RALGAPB: variants seen among roughly 807,000 people sequenced by gnomAD.
RALGAPB encodes ral GTPase-activating protein subunit beta.
RALGAPB carries 25 observed loss-of-function variants against 161.1 expected under a neutral mutation model. That is an observed-to-expected ratio of 0.16 (90% confidence interval 0.11 to 0.22). The LOEUF (loss-of-function observed/expected upper bound fraction) is 0.22, where lower values mean the gene tolerates loss of function less well. RALGAPB is among the 10% of genes least tolerant of loss of function. The pLI is 1.00. For missense variants in RALGAPB, 1,391 were observed against 1,815.2 expected (o/e 0.77, Z 4.25); for synonymous variants, 629 against 626.1 (o/e 1.00, Z -0.07).
intron 9 of RALGAPB, chr20:38,520,296 T>A: frequency 1.2e-6 from 1 of 856,266 alleles, no homozygotes; most frequent in Non-Finnish European, 1.4e-6. Context: ...ACCAGAAGCT[T>A]CTCCTTAATT....
chr20:38,508,264 A>G (rs936655670), intron 5 of RALGAPB, among the ~76,000 whole-genome samples: 3 of 151,934 alleles, frequency 2.0e-5, no homozygotes, highest in African/African-American at 4.8e-5. Flanking sequence ...AACACAAACT[A>G]TAACTACAAA....
At chr20:38,521,455 G>A (rs1359475914) in intron 9 of RALGAPB, 42 bp from the exon 10 acceptor site, 52 of 1,611,132 alleles carry the variant, frequency 3.2e-5, no homozygotes, top group Non-Finnish European at 4.3e-5. Flanking sequence ...AGCCTACGTG[G>A]CATATTGCAA....
intron 25 of RALGAPB, 38 bp from the exon 26 acceptor site, chr20:38,567,058 G>A (rs2088027533): frequency 6.3e-7 from 1 of 1,587,246 alleles, no homozygotes; most frequent in East Asian, 2.3e-5. Flanking sequence ...CAAATAAGTG[G>A]TATGTATTAT....
chr20:38,475,927 T>C (rs758589070), intron 1 of RALGAPB, among the ~76,000 whole-genome samples: 7 of 152,220 alleles, frequency 4.6e-5, no homozygotes, highest in Non-Finnish European at 1.0e-4. Flanking sequence ...CATAAAATAT[T>C]CTTTATAAGG....
At chr20:38,476,041 A>G (rs966427144) in intron 1 of RALGAPB, among the ~76,000 whole-genome samples, 13 of 152,210 alleles carry the variant, frequency 8.5e-5, no homozygotes, top group Non-Finnish European at 1.5e-4. Context: ...AAATTCAGAT[A>G]CTCAAGAAAC....
intron 1 of RALGAPB, among the ~76,000 whole-genome samples, chr20:38,475,886 G>A (rs1345161499): frequency 1.3e-5 from 2 of 151,942 alleles, no homozygotes; most frequent in African/African-American, 4.8e-5. Context: ...CAAAGTGCTG[G>A]GATTACAGGC....
intron 10 of RALGAPB, among the ~76,000 whole-genome samples, chr20:38,522,700 AG>A (rs2086327004): frequency 6.6e-6 from 1 of 152,186 alleles, no homozygotes; most frequent in African/African-American, 2.4e-5. Flanking sequence ...GATATGAAAA[AG>A]AATGGTATAT....
At chr20:38,550,739 AAG>A in intron 20 of RALGAPB, among the ~76,000 whole-genome samples, 1 of 152,280 alleles carries the variant, frequency 6.6e-6, no homozygotes, top group Middle Eastern at 3.4e-3. Flanking sequence ...GCCCCTGGGG[AAG>A]AGAGTTTGAG....
chr20:38,515,549 T>C (rs1319858451), intron 6 of RALGAPB, among the ~76,000 whole-genome samples: 1 of 152,234 alleles, frequency 6.6e-6, no homozygotes, highest in East Asian at 1.9e-4. Flanking sequence ...ATACACCGTT[T>C]TGAAATTTAT....
intron 16 of RALGAPB, among the ~76,000 whole-genome samples, chr20:38,536,950 A>G (rs148932029): frequency 7.2e-5 from 11 of 152,362 alleles, no homozygotes; most frequent in African/African-American, 2.6e-4. Context: ...GCCATTTGTG[A>G]GACATACAGG....
Position 38,541,183 on chromosome 20 carries a change from C to A in RALGAPB, c.2705C>A (p.Thr902Asn). Residue 902 changes from threonine (T) to asparagine (N), a missense_variant, in exon 18 of 30, where the codon ACC (threonine) becomes AAC (asparagine). By Grantham distance (65) the Thr-to-Asn change is moderately conservative. Transcript: ENST00000262879. ...SMRVKDAAEA[T>N]LTCIMQLLGA... ...AGGGTAAAGGATGCTGCTGAAGCCA[C>A]CCTAACATGGTATGGAAGTGACCGC... 1.2e-6 allele frequency: 2 copies of A among 1,613,964 alleles called. No homozygotes were observed. Among genetic ancestry groups the A allele is most frequent in the Non-Finnish European group, 1.7e-6 (2 of 1,179,922 alleles).
At chr20:38,534,979 G>A in intron 15 of RALGAPB, 95 bp from the exon 16 acceptor site, 2 of 1,434,378 alleles carry the variant, frequency 1.4e-6, no homozygotes, top group Non-Finnish European at 1.9e-6. Flanking sequence ...CACTGTGGCT[G>A]CTGTGGTCTG....
At chr20:38,568,841 T>G (rs2145524141) in intron 26 of RALGAPB, 1 of 152,322 alleles carries the variant, frequency 6.6e-6, no homozygotes, top group South Asian at 2.1e-4. Flanking sequence ...AAAGGGATCC[T>G]GTGGGTTTAA....
chr20:38,484,604 G>A lies in RALGAPB; in HGVS notation c.-30-3799G>A, dbSNP rs116258911. 3.3e-3 allele frequency among the ~76,000 whole-genome samples: 497 copies of A among 152,270 alleles called. 5 individuals carry two copies. The highest frequency in any genetic ancestry group is 0.011 in the African/African-American group (477 of 41,554). The stretch of plus-strand genomic sequence containing the variant: ...GATAACATTTAAAGAGTAGGAGACT[G>A]TAGAAATGTCCAGATTTTCTGTGTC... On this transcript the variant is annotated intron_variant, in intron 1 of 29. Transcript: ENST00000262879.
At chr20:38,567,960 C>T (rs2088071995) in intron 26 of RALGAPB, among the ~76,000 whole-genome samples, 1 of 152,056 alleles carries the variant, frequency 6.6e-6, no homozygotes, top group Non-Finnish European at 1.5e-5. Context: ...GTAATAGTCC[C>T]TGGAGTAGAT....
chr20:38,567,190 G>C lies in RALGAPB; in HGVS notation c.3912G>C (p.Glu1304Asp), dbSNP rs748238611. Residue 1304 changes from glutamate to aspartate, a missense_variant, in exon 26 of 30, where the codon GAG (glutamate) becomes GAC (aspartate). Glu to Asp is a conservative substitution (Grantham distance 45). This residue lies in a region of RALGAPB where 436 missense variants were observed against 527.0 expected (regional missense o/e 0.83). Coordinates refer to ENST00000262879, the MANE Select transcript of RALGAPB (RefSeq NM_020336.4). ...TGAAACAGCCATCCCTGACACTTGA[G>C]CTTTTCCCCAATCATACAGACAATC... ...GILKQPSLTL[E>D]LFPNHTDNLN... 6.2e-7 allele frequency: 1 copy of C among 1,613,622 alleles called. No homozygotes were observed. Among genetic ancestry groups the C allele is most frequent in the South Asian group, 1.1e-5 (1 of 91,046 alleles).
intron 22 of RALGAPB, 151 bp from the exon 23 acceptor site, chr20:38,558,143 GT>G (rs2087653596): frequency 3.6e-6 from 2 of 558,972 alleles, no homozygotes; most frequent in East Asian, 7.1e-5. Flanking sequence ...ATGTTAAATA[GT>G]TTCTTTAGTT....
chr20:38,528,830 G>A (rs185302262), intron 13 of RALGAPB, among the ~76,000 whole-genome samples: 5 of 152,134 alleles, frequency 3.3e-5, no homozygotes, highest in Admixed American at 2.0e-4. Context: ...ACTGGCACCC[G>A]CCACCACGCC....
intron 3 of RALGAPB, 46 bp from the exon 4 acceptor site, chr20:38,497,307 T>G (rs372642273): frequency 1.3e-6 from 2 of 1,575,586 alleles, no homozygotes; most frequent in Non-Finnish European, 8.7e-7. Flanking sequence ...AAGCTGTTGC[T>G]GTCTCTCCTC....
Sources: gnomAD v4.1 joint callset for allele counts (sites outside exome capture counted in the v4.1 genomes callset) on GRCh38, gnomAD v4.1.1 for gene constraint, gnomAD v4.1.1 regional missense constraint, MANE v1.5 for transcripts, NCBI Gene and HGNC (gene_info 2026-07-23, HGNC 2026-07-21) for gene names.